Variants in LAMA2 observed in about 807,000 individuals in gnomAD.
LAMA2 encodes laminin subunit alpha-2.
In LAMA2, 269 loss-of-function variants were observed where a neutral mutation model predicts 364.8. The observed-to-expected ratio is 0.74, with a 90% CI of 0.67 to 0.82. The LOEUF (loss-of-function observed/expected upper bound fraction) is 0.82, where lower values mean the gene tolerates loss of function less well. Ranked by LOEUF, LAMA2 falls within the 40% of genes least tolerant of loss-of-function variation. The pLI, the probability that LAMA2 is intolerant of heterozygous loss-of-function variation, is 0.00. For synonymous variants in LAMA2, 1,379 were observed against 1,370.6 expected (o/e 1.01, Z -0.14); for missense variants, 3,807 against 3,873.2 (o/e 0.98, Z 0.45).
chr6:129,132,596 C>T (rs1777558552), intron 4 of LAMA2, among the ~76,000 whole-genome samples: 1 of 152,168 alleles, frequency 6.6e-6, no homozygotes, highest in Admixed American at 6.5e-5. Flanking sequence ...CCAGAAGCAC[C>T]TCTTTATTGT....
At chr6:129,051,232 T>C (rs1035534398) in intron 2 of LAMA2, among the ~76,000 whole-genome samples, 17 of 148,248 alleles carry the variant, frequency 1.1e-4, no homozygotes, top group African/African-American at 4.2e-4. Context: ...AGATATATAC[T>C]TATATGTAAT....
chr6:129,148,026 T>C (rs988569120), intron 6 of LAMA2, among the ~76,000 whole-genome samples: 2 of 152,070 alleles, frequency 1.3e-5, no homozygotes, highest in Non-Finnish European at 2.9e-5. Flanking sequence ...GCTGCCCCTA[T>C]CAACCCATCA....
At chr6:129,046,522 A>G (rs1298719686) in intron 1 of LAMA2, among the ~76,000 whole-genome samples, 2 of 152,174 alleles carry the variant, frequency 1.3e-5, no homozygotes, top group Non-Finnish European at 2.9e-5. Context: ...ACCTGCCCTC[A>G]TGATTCAAAT....
chr6:129,090,000 TC>T (rs1287524924), intron 3 of LAMA2, among the ~76,000 whole-genome samples: 2 of 152,174 alleles, frequency 1.3e-5, no homozygotes, highest in African/African-American at 2.4e-5. Context: ...TAACCATTTA[TC>T]AAGATAATTA....
chr6:129,339,285 G>T (rs1776125377), intron 29 of LAMA2, among the ~76,000 whole-genome samples: 2 of 152,182 alleles, frequency 1.3e-5, no homozygotes, highest in Admixed American at 1.3e-4. Context: ...GGATACCTCG[G>T]ATAAGAGAGG....
At chr6:128,905,735 T>C (rs987173918) in intron 1 of LAMA2, among the ~76,000 whole-genome samples, 309 of 152,036 alleles carry the variant, frequency 2.0e-3, no homozygotes, top group Non-Finnish European at 3.2e-3. Context: ...CTGCACCCAC[T>C]AACTCGTCAT....
At chr6:129,166,151 C>T (rs1296327497) in intron 9 of LAMA2, among the ~76,000 whole-genome samples, 1 of 152,078 alleles carries the variant, frequency 6.6e-6, no homozygotes, top group Non-Finnish European at 1.5e-5. Context: ...TCATAAAGGA[C>T]TAAGAAGGTA....
rs1158738981 is a variant in LAMA2 at position 129,260,586 on chromosome 6, A to G, written c.2097-125A>G. On this transcript the variant is annotated intron_variant, in intron 14 of 64. Transcript: ENST00000421865. Reference sequence around the variant, plus strand: ...ACCAGAGCTTTTGGTTATGGTATTCATCAGCTTCCTTTCTCAGCATGCATA... The same window carrying G: ...ACCAGAGCTTTTGGTTATGGTATTCGTCAGCTTCCTTTCTCAGCATGCATA... The G allele has an allele frequency of 2.4e-5, 18 of 752,778 alleles. 1 individual carries two copies. Among genetic ancestry groups the G allele is most frequent in the Non-Finnish European group, 4.1e-5 (17 of 412,972 alleles). The allele number at this position is 752,778 out of a possible 1,614,324, so 46.6% of individuals were successfully genotyped here.
intron 12 of LAMA2, among the ~76,000 whole-genome samples, chr6:129,199,519 T>C (rs762589570): frequency 5.9e-5 from 9 of 152,092 alleles, no homozygotes; most frequent in Non-Finnish European, 1.2e-4. Flanking sequence ...ATAAAATATA[T>C]AGGGATCAGA....
chr6:128,988,871 T>A (rs985856078), intron 1 of LAMA2, among the ~76,000 whole-genome samples: 5 of 152,168 alleles, frequency 3.3e-5, no homozygotes, highest in African/African-American at 1.2e-4. Context: ...TGAATAAATA[T>A]GAAATTATTC....
At chr6:129,465,123 G>C (rs1324985599) in intron 50 of LAMA2, 22 bp from the exon 51 acceptor site, 4 of 1,593,440 alleles carry the variant, frequency 2.5e-6, no homozygotes, top group Non-Finnish European at 2.6e-6. Flanking sequence ...TAACCACTGG[G>C]GTATGTTTAC....
chr6:129,384,449 C>T (rs1778864238), intron 35 of LAMA2, among the ~76,000 whole-genome samples: 1 of 152,176 alleles, frequency 6.6e-6, no homozygotes, highest in Admixed American at 6.6e-5. Flanking sequence ...CCTGGGGACT[C>T]ATTTTCAATT....
At chr6:128,917,699 C>CTTTT (rs113304257) in intron 1 of LAMA2, among the ~76,000 whole-genome samples, 60 of 100,904 alleles carry the variant, frequency 5.9e-4, no homozygotes, top group African/African-American at 1.3e-3. Flanking sequence ...TGTCCTTTTT[C>CTTTT]TTTTTTTTTT....
intron 22 of LAMA2, among the ~76,000 whole-genome samples, chr6:129,311,242 C>T (rs1039844833): frequency 1.3e-5 from 2 of 152,146 alleles, no homozygotes; most frequent in African/African-American, 2.4e-5. Flanking sequence ...CTGCCTCAGC[C>T]TCAGGAGTAG....
chr6:129,284,751 CCTCT>C (rs927887620), intron 18 of LAMA2, among the ~76,000 whole-genome samples: 1 of 151,918 alleles, frequency 6.6e-6, no homozygotes, highest in Admixed American at 6.6e-5. Flanking sequence ...TCTACCTCTC[CCTCT>C]CTCTCTTCCT....
chr6:129,020,644 G>A (rs933054251), intron 1 of LAMA2, among the ~76,000 whole-genome samples: 9 of 152,176 alleles, frequency 5.9e-5, no homozygotes, highest in East Asian at 1.9e-4. Flanking sequence ...TGTCCCAGGC[G>A]TGGTGTCCCG....
chr6:129,301,492 G>A (rs973061383), intron 22 of LAMA2, among the ~76,000 whole-genome samples: 3 of 152,030 alleles, frequency 2.0e-5, no homozygotes, highest in Admixed American at 6.6e-5. Flanking sequence ...TATATAGGGC[G>A]CGAGTTACAT....
At chr6:129,202,488 C>A (rs1782369314) in intron 12 of LAMA2, among the ~76,000 whole-genome samples, 1 of 152,128 alleles carries the variant, frequency 6.6e-6, no homozygotes, top group East Asian at 1.9e-4. Flanking sequence ...AAGGAGGTAC[C>A]ACCTTGGAAG....
chr6:128,897,504 T>C (rs892857422), intron 1 of LAMA2, among the ~76,000 whole-genome samples: 11 of 152,174 alleles, frequency 7.2e-5, no homozygotes, highest in Non-Finnish European at 1.5e-4. Flanking sequence ...AAACCAAAAA[T>C]AATCAAGGCC....
Sources: gnomAD v4.1 joint callset for allele counts (sites outside exome capture counted in the v4.1 genomes callset) on GRCh38, gnomAD v4.1.1 for gene constraint, MANE v1.5 for transcripts, NCBI Gene and HGNC (gene_info 2026-07-23, HGNC 2026-07-21) for gene names.